TMEFF1: variants seen among roughly 807,000 people sequenced by gnomAD.
TMEFF1 encodes the protein tomoregulin-1.
In TMEFF1, 20 loss-of-function variants were observed where a neutral mutation model predicts 47.5. That is an observed-to-expected ratio of 0.42 (90% confidence interval 0.30 to 0.61). The LOEUF (loss-of-function observed/expected upper bound fraction) is 0.61. Among genes scored for constraint, TMEFF1 ranks in the 20% least tolerant of loss-of-function variants. TMEFF1 has a pLI of 0.19. For missense variants in TMEFF1, 411 were observed against 471.1 expected (o/e 0.87, Z 1.18); for synonymous variants, 162 against 166.3 (o/e 0.97, Z 0.20).
intron 5 of TMEFF1, among the ~76,000 whole-genome samples, chr9:100,521,161 G>A (rs1838153963): frequency 6.6e-6 from 1 of 152,210 alleles, no homozygotes; most frequent in Non-Finnish European, 1.5e-5. Flanking sequence ...TGAGTGAAGT[G>A]CGTGAACTTT....
At chr9:100,480,022 C>T (rs1260938783) in intron 1 of TMEFF1, among the ~76,000 whole-genome samples, 1 of 152,176 alleles carries the variant, frequency 6.6e-6, no homozygotes, top group Non-Finnish European at 1.5e-5. Context: ...AGCATCTTCT[C>T]CAACACTTGT....
intron 5 of TMEFF1, among the ~76,000 whole-genome samples, chr9:100,529,906 G>T (rs1838342435): frequency 6.6e-6 from 1 of 152,158 alleles, no homozygotes; most frequent in African/African-American, 2.4e-5. Flanking sequence ...TCAGACCGCA[G>T]TGCAATCAAA....
chr9:100,552,753 T>C (rs1195025935), intron 7 of TMEFF1, among the ~76,000 whole-genome samples: 1 of 152,016 alleles, frequency 6.6e-6, no homozygotes. Context: ...TCGCAGCTGC[T>C]TGGGAGGCTG....
At chr9:100,482,307 C>T (rs113157946) in intron 1 of TMEFF1, among the ~76,000 whole-genome samples, 2,243 of 152,088 alleles carry the variant, frequency 0.015, 54 homozygotes, top group African/African-American at 0.051. Flanking sequence ...AAGCGATTCT[C>T]CTGCCTCAAC....
At chr9:100,561,089 C>CT (rs1204386406) in intron 7 of TMEFF1, among the ~76,000 whole-genome samples, 1 of 152,172 alleles carries the variant, frequency 6.6e-6, no homozygotes, top group African/African-American at 2.4e-5. Context: ...GCATTTATTT[C>CT]TTTAGCAAAG....
At chr9:100,569,619 A>T (rs889330360) in intron 8 of TMEFF1, among the ~76,000 whole-genome samples, 1 of 152,084 alleles carries the variant, frequency 6.6e-6, no homozygotes, top group Non-Finnish European at 1.5e-5. Context: ...GCCTAATCTA[A>T]GGTCACAAAG....
At chr9:100,484,901 T>C (rs1197719251) in intron 1 of TMEFF1, among the ~76,000 whole-genome samples, 1 of 151,990 alleles carries the variant, frequency 6.6e-6, no homozygotes, top group African/African-American at 2.4e-5. Context: ...GGTCTCAAAC[T>C]CCTGACCTCA....
chr9:100,536,374 T>C (rs913071856), intron 5 of TMEFF1, among the ~76,000 whole-genome samples: 1 of 152,196 alleles, frequency 6.6e-6, no homozygotes, highest in African/African-American at 2.4e-5. Context: ...TTTTCTCCTT[T>C]ATGCTGAGCC....
intron 4 of TMEFF1, among the ~76,000 whole-genome samples, chr9:100,516,467 A>G (rs1279635060): frequency 6.6e-6 from 1 of 152,170 alleles, no homozygotes; most frequent in Non-Finnish European, 1.5e-5. Flanking sequence ...ATTTTTCAGC[A>G]CCAAAACTTG....
intron 5 of TMEFF1, among the ~76,000 whole-genome samples, chr9:100,528,125 A>T (rs1838302102): frequency 6.6e-6 from 1 of 151,044 alleles, no homozygotes; most frequent in African/African-American, 2.4e-5. Flanking sequence ...AGTAGATAAA[A>T]CCACAAAGAT....
rs191932950 is a variant in TMEFF1, at chr9:100,543,020, C to T, written c.561-4724C>T. ...CTTGGCTCAGCGCAACCTCCGCCTC[C>T]TGGCTTCAAGCGATTCTCCTGCCTC... is the stretch of plus-strand genomic sequence containing the variant. On this transcript the variant is annotated intron_variant, in intron 5 of 9. Coordinates refer to ENST00000374879, the MANE Select transcript of TMEFF1 (RefSeq NM_003692.5). Among the ~76,000 whole-genome samples the T allele has an allele frequency of 5.3e-5, 8 of 151,212 alleles. No homozygotes were observed. In the East Asian group the frequency reaches 1.4e-3, roughly 26 times the overall value.
chr9:100,517,946 T>C (rs560816529), intron 5 of TMEFF1, among the ~76,000 whole-genome samples: 15 of 152,346 alleles, frequency 9.8e-5, no homozygotes, highest in African/African-American at 3.4e-4. Flanking sequence ...TGTCAGTATT[T>C]TTCCTTAGTA....
At chr9:100,483,156 G>A (rs908710803) in intron 1 of TMEFF1, among the ~76,000 whole-genome samples, 3 of 151,942 alleles carry the variant, frequency 2.0e-5, no homozygotes, top group South Asian at 2.1e-4. Context: ...ATGATTTTGC[G>A]TTATGGTCTA....
rs935775770 is a variant in TMEFF1 at position 100,553,121 on chromosome 9, G to A, written c.775+2961G>A. On this transcript the variant is annotated intron_variant, in intron 7 of 9. Transcript: ENST00000374879. ...CAATAGCTTAAAAAACTACAGAAAG[G>A]TATGAGAAGACAAGGACTAAACTAT... Among the ~76,000 whole-genome samples, 13 of 152,176 alleles carry A rather than the reference G, an allele frequency of 8.5e-5. 1 individual carries two copies. Among genetic ancestry groups the A allele is most frequent in the Admixed American group, 2.6e-4 (4 of 15,284 alleles).
At chr9:100,529,219 A>C (rs2118438094) in intron 5 of TMEFF1, among the ~76,000 whole-genome samples, 1 of 150,016 alleles carries the variant, frequency 6.7e-6, no homozygotes, top group African/African-American at 2.4e-5. Context: ...TCATCATGAC[A>C]GGATCAAATT....
chr9:100,510,061 TC>T (rs914164827), intron 3 of TMEFF1, among the ~76,000 whole-genome samples: 1 of 152,184 alleles, frequency 6.6e-6, no homozygotes, highest in African/African-American at 2.4e-5. Context: ...GATTTCCACT[TC>T]CTTTCTTTCC....
chr9:100,565,633 C>T (rs1839111945), intron 8 of TMEFF1, among the ~76,000 whole-genome samples: 1 of 152,144 alleles, frequency 6.6e-6, no homozygotes, highest in African/African-American at 2.4e-5. Context: ...GCAGTACCTC[C>T]TCTCTCATCC....
At position 100,565,773 on chromosome 9, in the gene TMEFF1, A is replaced by G. The variant is rs564332198; in HGVS notation, c.899+4253A>G. Among the ~76,000 whole-genome samples the G allele has an allele frequency of 1.2e-4, 18 of 152,312 alleles. No individual in the cohort carries two copies. The South Asian group carries it at 3.7e-3, about 32-fold the overall frequency. On this transcript the variant is annotated intron_variant, in intron 8 of 9. Coordinates refer to ENST00000374879, the MANE Select transcript of TMEFF1 (RefSeq NM_003692.5). ...TCTCTGTATCATAGAACTTGATATCAGTATATCTCATATATATTGATAAAC... is the reference window on the plus strand; with the variant it reads ...TCTCTGTATCATAGAACTTGATATCGGTATATCTCATATATATTGATAAAC...
At chr9:100,505,549 AT>A (rs1837844221) in intron 2 of TMEFF1, among the ~76,000 whole-genome samples, 1 of 151,690 alleles carries the variant, frequency 6.6e-6, no homozygotes. Context: ...GATCAGACTG[AT>A]TTGTAGTATT....
Sources: allele counts gnomAD v4.1 joint callset (sites outside exome capture counted in the v4.1 genomes callset), GRCh38; gene constraint gnomAD v4.1.1; transcripts MANE v1.5; gene names NCBI Gene and HGNC (gene_info 2026-07-23, HGNC 2026-07-21).